The following SH3TC1 variants were observed in gnomAD, a reference collection of about 807,000 sequenced individuals.
The protein encoded by SH3TC1 is SH3 domain and tetratricopeptide repeats 1, also known as SH3 domain and tetratricopeptide repeat-containing protein 1.
SH3TC1 carries 135 observed loss-of-function variants against 117.3 expected under a neutral mutation model. The ratio of observed to expected loss-of-function variants is 1.15; its 90% confidence interval spans 1.00 to 1.33. SH3TC1 has a LOEUF of 1.33. SH3TC1 is among the 40% of genes most tolerant of loss of function. The pLI is 0.00. For synonymous variants in SH3TC1, 898 were observed against 816.9 expected (o/e 1.10, Z -1.69); for missense variants, 2,092 against 1,794.3 (o/e 1.17, Z -3.00).
At chr4:8,233,721 A>T (rs951153703) in intron 14 of SH3TC1, among the ~76,000 whole-genome samples, 4 of 148,884 alleles carry the variant, frequency 2.7e-5, no homozygotes, top group Admixed American at 6.7e-5. Flanking sequence ...TCCTTCCATT[A>T]TCCATCCATT....
chr4:8,205,499 A>G lies in SH3TC1; in HGVS notation c.172+133A>G. 1 of 1,216,558 alleles carries G rather than the reference A, an allele frequency of 8.2e-7. No homozygotes were observed. The highest frequency in any genetic ancestry group is 1.5e-5 in the African/African-American group (1 of 64,862). The allele number at this position is 1,216,558 out of a possible 1,614,324, so 75.4% of individuals were successfully genotyped here. A position where few individuals can be genotyped will look rare whatever the true frequency, so the allele number is the denominator to read the frequency against. ...GGGCTGGGGCTGGAGTCTGCTCTCC[A>G]TCACTTCTCGTTTCCTTCCCCCGCG... On this transcript the variant is annotated intron_variant, in intron 2 of 17. Coordinates refer to ENST00000245105, the MANE Select transcript of SH3TC1 (RefSeq NM_018986.5). This position sits in a 1 kb window ranked among gnomAD's most constrained non-coding sequence, Gnocchi z 5.4.
intron 1 of SH3TC1, among the ~76,000 whole-genome samples, chr4:8,187,420 C>T (rs573258218): frequency 3.9e-5 from 6 of 152,316 alleles, no homozygotes; most frequent in South Asian, 2.1e-4. Context: ...GGTCATGCTC[C>T]GCCCACCAGC....
In SH3TC1 at chr4:8,219,621, A is replaced by G. The variant is rs1006040152; in HGVS notation, c.1112+91A>G. ...CGTCCACCTGGCTCCCCAGGTAACA[A>G]GCCTGAAAGTCACTGTGGACGATGC... is the stretch of plus-strand genomic sequence containing the variant. On this transcript the variant is annotated intron_variant, in intron 9 of 17. Transcript: ENST00000245105. The G allele has an allele frequency of 3.0e-6, 4 of 1,322,288 alleles. No homozygotes were observed. In the African/African-American group the frequency reaches 4.5e-5, roughly 15 times the overall value. 81.9% of individuals were successfully genotyped at this position (1,322,288 alleles called of 1,614,324 possible).
rs866627114 is a variant in SH3TC1 at position 8,228,167 on chromosome 4, G to A, written c.2473G>A (p.Val825Met). 14 of 1,611,800 alleles carry A rather than the reference G, an allele frequency of 8.7e-6. No individual in the cohort carries two copies. Among genetic ancestry groups the A allele is most frequent in the East Asian group, 4.5e-5 (2 of 44,860 alleles). Residue 825 changes from valine (V) to methionine (M), a missense_variant, in exon 12 of 18, where the codon GTG becomes ATG. Val to Met is a conservative substitution (Grantham distance 21, BLOSUM62 1). Coordinates refer to ENST00000245105, the MANE Select transcript of SH3TC1 (RefSeq NM_018986.5). ...ASAIAGVRAI[V>M]DHLVALAWLH... is the part of the protein sequence containing the mutation. ...TGCTATTGCCGGAGTCCGTGCCATC[G>A]TGGACCACCTGGTGGCCCTGGCCTG...
chr4:8,236,645 G>C (rs751242160), intron 16 of SH3TC1: 10 of 502,896 alleles, frequency 2.0e-5, no homozygotes, highest in Non-Finnish European at 3.3e-5. Context: ...TCTGCTTCCT[G>C]TGCCTCTTCC....
chr4:8,183,116 C>T lies in SH3TC1; in HGVS notation c.-57+906C>T, dbSNP rs1424409557. Among the ~76,000 whole-genome samples the T allele has an allele frequency of 1.3e-5, 2 of 152,176 alleles. No individual in the cohort carries two copies. Among genetic ancestry groups the T allele is most frequent in the Non-Finnish European group, 2.9e-5 (2 of 68,018 alleles). ...GCCTCTGTGAGCCTCAGTTTCTCAG[C>T]ATGCCATCCGCCTGGCGACCTTGCC... On this transcript the variant is annotated intron_variant, in intron 1 of 16. Coordinates refer to the SH3TC1 transcript ENST00000508641. The surrounding 1 kb of genome is among the most constrained non-coding windows in gnomAD (Gnocchi z 5.4).
chr4:8,196,618 T>C (rs1717563816), upstream of SH3TC1, among the ~76,000 whole-genome samples: 1 of 151,794 alleles, frequency 6.6e-6, no homozygotes, highest in Non-Finnish European at 1.5e-5. This position sits in a 1 kb window ranked among gnomAD's most constrained non-coding sequence, Gnocchi z 4.6. Flanking sequence ...TTGTCAAGGG[T>C]GGAAGCATTA....
rs1717438941 is a variant in SH3TC1, at chr4:8,192,217, C to A, written c.-57+10007C>A. Among the ~76,000 whole-genome samples, 1 of 151,856 alleles carries A rather than the reference C, an allele frequency of 6.6e-6. No homozygotes were observed. The stretch of plus-strand genomic sequence containing the variant: ...CCATGTGGGCCAGGCTGGTCCCGAA[C>A]TCCTGACCTCAAGTGATCTGCACCC... On this transcript the variant is annotated intron_variant, in intron 1 of 16. Coordinates refer to the SH3TC1 transcript ENST00000508641. This position sits in a 1 kb window ranked among gnomAD's most constrained non-coding sequence, Gnocchi z 4.1.
chr4:8,237,469 C>T lies in SH3TC1; in HGVS notation c.3557-5C>T, dbSNP rs1255254732. 2.6e-6 allele frequency: 4 copies of T among 1,556,048 alleles called. No individual in the cohort carries two copies. The African/African-American group carries it at 4.1e-5, about 16-fold the overall frequency. ...TCACACCTGCCCCCTTGGCCTGCAC[C>T]CCAGGGGACCGGCTGAACGAGCGCG... On this transcript the variant is annotated splice_polypyrimidine_tract_variant and splice_region_variant and intron_variant, in intron 16 of 17. Transcript: ENST00000245105.
In SH3TC1 at chr4:8,215,102, T is replaced by A; in HGVS notation, c.481+522T>A. 4 of 451,496 alleles carry A rather than the reference T, an allele frequency of 8.9e-6. No individual in the cohort carries two copies. The Admixed American group carries it at 9.4e-5, about 11-fold the overall frequency. 28.0% of individuals were successfully genotyped at this position (451,496 alleles called of 1,614,324 possible). On this transcript the variant is annotated intron_variant, in intron 5 of 17. Coordinates refer to ENST00000245105, the MANE Select transcript of SH3TC1 (RefSeq NM_018986.5). ...AGTCGTAGACGGATGTGGGTCTTTG[T>A]TGCAGGAATGATTTAGGCTGTGCTT...
Position 8,227,082 on chromosome 4 carries a change from C to T in SH3TC1, c.1388C>T (p.Pro463Leu), listed in dbSNP as rs1221700026. 4.3e-6 allele frequency: 7 copies of T among 1,611,178 alleles called. No homozygotes were observed. Among genetic ancestry groups the T allele is most frequent in the Non-Finnish European group, 5.9e-6 (7 of 1,178,812 alleles). ...CKTCPGCPQEPASWGLCAASS... is the reference protein window; with the variant it reads ...CKTCPGCPQELASWGLCAASS... Reference sequence around the variant, plus strand: ...ACCTGCCCAGGCTGCCCCCAGGAGCCAGCGTCCTGGGGTCTCTGTGCGGCA... The same window carrying T: ...ACCTGCCCAGGCTGCCCCCAGGAGCTAGCGTCCTGGGGTCTCTGTGCGGCA... Residue 463 changes from proline to leucine, a missense_variant, in exon 12 of 18, where the codon CCA becomes CTA. Transcript: ENST00000245105.
Position 8,228,481 on chromosome 4 carries a change from C to T in SH3TC1, c.2787C>T (p.Ala929=), listed in dbSNP as rs781317614. The change falls in exon 12 of 18, where the codon GCC becomes GCT. Residue 929 remains alanine (A), a synonymous_variant. Transcript: ENST00000245105. ...TGGCCCAGCACTACCTCCTGGAGGC[C>T]GTGCGGCTGTTCTCGAGGCTGCCCC... ...SRLAQHYLLE[A]VRLFSRLPLG... The T allele has an allele frequency of 1.6e-5, 25 of 1,610,234 alleles. No homozygotes were observed. The highest frequency in any genetic ancestry group is 9.9e-5 in the South Asian group (9 of 90,756).
At chr4:8,207,788 C>T (rs148655851) in intron 2 of SH3TC1, among the ~76,000 whole-genome samples, 2 of 152,362 alleles carry the variant, frequency 1.3e-5, no homozygotes, top group African/African-American at 2.4e-5. Flanking sequence ...GCTTATCTTG[C>T]ACTTTCCCTG....
At chr4:8,230,783 C>CTT (rs59242411) in intron 12 of SH3TC1, among the ~76,000 whole-genome samples, 3,793 of 134,096 alleles carry the variant, frequency 0.028, 221 homozygotes, top group African/African-American at 0.099. Flanking sequence ...ATATGCTGTG[C>CTT]TTTTTTTTTT....
chr4:8,223,286 GC>G (rs1720122808), intron 10 of SH3TC1, among the ~76,000 whole-genome samples: 1 of 152,244 alleles, frequency 6.6e-6, no homozygotes, highest in Non-Finnish European at 1.5e-5. Context: ...GTTCTAATTT[GC>G]CAGCCCTGAG....
chr4:8,228,394 G>A lies in SH3TC1; in HGVS notation c.2700G>A (p.Arg900=). 1.2e-6 allele frequency: 2 copies of A among 1,610,282 alleles called. No individual in the cohort carries two copies. Among genetic ancestry groups the A allele is most frequent in the Non-Finnish European group, 8.5e-7 (1 of 1,178,796 alleles). The part of the protein sequence containing the change: ...LRVARDLGQQ[R]NQAVGLANFG... ...TGGCTCGGGACCTGGGCCAGCAAAG[G>A]AACCAGGCAGTGGGGCTGGCCAACT... The change falls in exon 12 of 18, where the codon AGG becomes AGA. Residue 900 remains arginine (R), a synonymous_variant. Coordinates refer to ENST00000245105, the MANE Select transcript of SH3TC1 (RefSeq NM_018986.5).
At chr4:8,223,058 G>T in intron 10 of SH3TC1, 88 bp downstream of exon 10, 1 of 1,499,944 alleles carries the variant, frequency 6.7e-7, no homozygotes, top group Admixed American at 2.0e-5. Flanking sequence ...CACAGATAGT[G>T]CCAGCCCCTG....
At chr4:8,196,010 C>T (rs576222199), upstream of SH3TC1, among the ~76,000 whole-genome samples, 3 of 152,328 alleles carry the variant, frequency 2.0e-5, no homozygotes, top group Non-Finnish European at 2.9e-5. The surrounding 1 kb of genome is among the most constrained non-coding windows in gnomAD (Gnocchi z 4.6). Flanking sequence ...CTCCCAGGGA[C>T]GTCGGTTCTT....
intron 1 of SH3TC1, among the ~76,000 whole-genome samples, chr4:8,200,299 G>T (rs1717748876): frequency 6.6e-6 from 1 of 152,210 alleles, no homozygotes; most frequent in African/African-American, 2.4e-5. Flanking sequence ...GTCAGGTCTG[G>T]GTTTAGGATG....
Sources: allele counts gnomAD v4.1 joint callset (sites outside exome capture counted in the v4.1 genomes callset), GRCh38; gene constraint gnomAD v4.1.1; non-coding constraint Gnocchi (gnomAD v3.1); transcripts MANE v1.5; gene names NCBI Gene and HGNC (gene_info 2026-07-23, HGNC 2026-07-21).